Variants in NFIA observed in about 807,000 individuals in gnomAD.
NFIA encodes the protein nuclear factor I A, also known as nuclear factor 1 A-type.
A neutral mutation model predicts 62.8 loss-of-function variants in NFIA; 8 were observed. That is an observed-to-expected ratio of 0.13 (90% CI 0.07 to 0.23). NFIA has a LOEUF of 0.23. NFIA is among the 10% of genes least tolerant of loss of function. The pLI, the probability that NFIA is intolerant of heterozygous loss-of-function variation, is 1.00. For missense variants in NFIA, 410 were observed against 642.1 expected, an observed-to-expected ratio of 0.64 and a Z score of 3.91; for synonymous variants, 235 against 238.1, an observed-to-expected ratio of 0.99 and a Z score of 0.12.
At chr1:61,094,818 A>G (rs1646382838) in intron 2 of NFIA, among the ~76,000 whole-genome samples, 1 of 152,212 alleles carries the variant, frequency 6.6e-6, no homozygotes, top group Non-Finnish European at 1.5e-5. Flanking sequence ...CCACAGCGTA[A>G]AGCATATTTT....
At chr1:61,386,745 G>T (rs1436336973) in intron 7 of NFIA, among the ~76,000 whole-genome samples, 4 of 152,168 alleles carry the variant, frequency 2.6e-5, no homozygotes, top group Non-Finnish European at 5.9e-5. Context: ...AGAAACACAG[G>T]GCGTTGAAGG....
chr1:61,372,085 G>C (rs1309444805), intron 6 of NFIA, among the ~76,000 whole-genome samples: 1 of 152,098 alleles, frequency 6.6e-6, no homozygotes, highest in Non-Finnish European at 1.5e-5. Flanking sequence ...TGACTCCAGA[G>C]AAAATGTCGG....
intron 2 of NFIA, among the ~76,000 whole-genome samples, chr1:61,137,232 T>G (rs1357811543): frequency 6.6e-6 from 1 of 152,222 alleles, no homozygotes; most frequent in Non-Finnish European, 1.5e-5. Context: ...ATTTGTTAAG[T>G]GCTGCATGCC....
At chr1:61,310,924 TACTC>T (rs903738430) in intron 3 of NFIA, among the ~76,000 whole-genome samples, 2 of 152,264 alleles carry the variant, frequency 1.3e-5, no homozygotes, top group African/African-American at 2.4e-5. Context: ...TTTCCACTCT[TACTC>T]ACCTGTGCAA....
chr1:61,242,810 G>A (rs761027606), intron 2 of NFIA, among the ~76,000 whole-genome samples: 2 of 152,084 alleles, frequency 1.3e-5, no homozygotes, highest in Non-Finnish European at 2.9e-5. Context: ...TGTCATGAAG[G>A]TACTGGCGTT....
chr1:61,323,077 C>CCAACA (rs1223853841), intron 3 of NFIA, among the ~76,000 whole-genome samples: 2 of 152,130 alleles, frequency 1.3e-5, no homozygotes, highest in African/African-American at 4.8e-5. Flanking sequence ...CAAAAGAAGG[C>CCAACA]CAACAGTGTG....
At chr1:61,387,062 G>A (rs528470626) in intron 7 of NFIA, among the ~76,000 whole-genome samples, 136 of 152,268 alleles carry the variant, frequency 8.9e-4, no homozygotes, top group African/African-American at 3.2e-3. Context: ...CAAAGGCCCT[G>A]CTACCTATTA....
Position 61,277,530 on chromosome 1 carries a change from A to T in NFIA, c.570A>T (p.Gln190His). The T allele has an allele frequency of 1.2e-6, 2 of 1,613,724 alleles. No homozygotes were observed. The highest frequency in any genetic ancestry group is 1.7e-6 in the Non-Finnish European group (2 of 1,179,784). Residue 190 changes from glutamine (Q) to histidine (H), a missense_variant, in exon 3 of 11, where the codon CAA (glutamine) becomes CAT (histidine). Around this residue, in one of 3 missense-constraint regions of NFIA, gnomAD observed 298 missense variants for 438.1 expected, o/e 0.68. Coordinates refer to ENST00000403491, the MANE Select transcript of NFIA (RefSeq NM_001134673.4). Reference sequence around the variant, plus strand: ...TTTTATGTTTTTCAGATTCAAGTCAATCTGAAAGTCCCAGCCAGCCAAGTG... The same window carrying T: ...TTTTATGTTTTTCAGATTCAAGTCATTCTGAAAGTCCCAGCCAGCCAAGTG... Reference protein sequence around the residue: ...AYFVHAADSSQSESPSQPSDA... With the variant: ...AYFVHAADSSHSESPSQPSDA...
At chr1:61,196,633 G>A (rs892102367) in intron 2 of NFIA, among the ~76,000 whole-genome samples, 3 of 151,914 alleles carry the variant, frequency 2.0e-5, no homozygotes, top group Non-Finnish European at 4.4e-5. Context: ...TTAACTGTGT[G>A]CAAATGCATA....
chr1:61,244,857 T>C (rs1317886174), intron 2 of NFIA, among the ~76,000 whole-genome samples: 7 of 152,204 alleles, frequency 4.6e-5, no homozygotes, highest in Admixed American at 4.6e-4. Context: ...CAGGGAATTA[T>C]GCTAAAATTT....
At chr1:61,194,025 G>A (rs558057565) in intron 2 of NFIA, among the ~76,000 whole-genome samples, 2 of 152,292 alleles carry the variant, frequency 1.3e-5, no homozygotes, top group South Asian at 4.1e-4. Context: ...GAGAGGAACA[G>A]CATTAGTATA....
chr1:61,329,452 G>A (rs539222457), intron 3 of NFIA, among the ~76,000 whole-genome samples: 5 of 144,664 alleles, frequency 3.5e-5, no homozygotes, highest in Non-Finnish European at 6.0e-5. Flanking sequence ...GCACGATCTC[G>A]GCTCACTGCA....
chr1:61,236,608 G>C (rs900996131), intron 2 of NFIA, among the ~76,000 whole-genome samples: 1 of 151,828 alleles, frequency 6.6e-6, no homozygotes, highest in African/African-American at 2.4e-5. Flanking sequence ...GTTTTTAACA[G>C]GTACTAAACA....
At chr1:61,329,338 C>G (rs1026784774) in intron 3 of NFIA, among the ~76,000 whole-genome samples, 3 of 151,106 alleles carry the variant, frequency 2.0e-5, no homozygotes, top group East Asian at 2.0e-4. Flanking sequence ...GAGCCACTGC[C>G]CCCGGCCTGA....
At chr1:61,100,656 A>C (rs1489190294) in intron 2 of NFIA, among the ~76,000 whole-genome samples, 3 of 152,150 alleles carry the variant, frequency 2.0e-5, no homozygotes, top group African/African-American at 7.2e-5. Context: ...GCAGTGGTGC[A>C]GTCGTAGCTC....
At chr1:61,267,603 A>C (rs999631770) in intron 2 of NFIA, among the ~76,000 whole-genome samples, 1 of 152,214 alleles carries the variant, frequency 6.6e-6, no homozygotes, top group Non-Finnish European at 1.5e-5. Context: ...ATTCTGCCTA[A>C]ACCTCTCTTT....
chr1:61,360,164 A>G (rs1317433786), intron 6 of NFIA, among the ~76,000 whole-genome samples: 1 of 152,186 alleles, frequency 6.6e-6, no homozygotes, highest in Non-Finnish European at 1.5e-5. Flanking sequence ...CTGCTGGTCT[A>G]ATCTCCTGGG....
At chr1:61,243,703 C>T (rs1655479244) in intron 2 of NFIA, among the ~76,000 whole-genome samples, 1 of 151,996 alleles carries the variant, frequency 6.6e-6, no homozygotes, top group Admixed American at 6.6e-5. Flanking sequence ...TTCAAATTGC[C>T]TGAAGCATGA....
intron 2 of NFIA, among the ~76,000 whole-genome samples, chr1:61,184,019 C>T (rs1261975787): frequency 1.4e-5 from 2 of 148,000 alleles, no homozygotes; most frequent in Non-Finnish European, 3.0e-5. Flanking sequence ...AAGCTTTTGA[C>T]AGTGCCTGAG....
Sources: allele counts gnomAD v4.1 joint callset (sites outside exome capture counted in the v4.1 genomes callset), GRCh38; gene constraint gnomAD v4.1.1; regional missense constraint gnomAD v4.1.1; transcripts MANE v1.5; gene names NCBI Gene and HGNC (gene_info 2026-07-23, HGNC 2026-07-21).